Variants in CSMD3 observed in about 807,000 individuals in gnomAD.
CSMD3 encodes CUB and Sushi multiple domains 3.
Under a neutral mutation model 435.2 loss-of-function variants are expected in CSMD3, and 177 were observed. The ratio of observed to expected loss-of-function variants is 0.41; its 90% CI spans 0.36 to 0.46. The LOEUF (loss-of-function observed/expected upper bound fraction) is 0.46. Among genes scored for constraint, CSMD3 ranks in the 20% least tolerant of loss-of-function variants. CSMD3 has a pLI of 0.34. For synonymous variants in CSMD3, 1,656 were observed against 1,520.5 expected (o/e 1.09, Z -2.07); for missense variants, 4,265 against 4,504.6 (o/e 0.95, Z 1.52).
chr8:112,815,212 A>C (rs2079340013), intron 12 of CSMD3, among the ~76,000 whole-genome samples: 1 of 152,158 alleles, frequency 6.6e-6, no homozygotes, highest in Non-Finnish European at 1.5e-5. Flanking sequence ...AGCATTATGG[A>C]ATAATGGGAC....
At chr8:112,859,052 TA>T in intron 11 of CSMD3, 92 bp downstream of exon 11, 1 of 1,224,370 alleles carries the variant, frequency 8.2e-7, no homozygotes, top group South Asian at 1.3e-5. Flanking sequence ...ACTTGAGTTA[TA>T]AATTTTCCAT....
At chr8:113,193,619 A>C (rs1367284114) in intron 3 of CSMD3, among the ~76,000 whole-genome samples, 1 of 151,470 alleles carries the variant, frequency 6.6e-6, no homozygotes, top group Non-Finnish European at 1.5e-5. Context: ...TTAATGTTTG[A>C]GATGGGTTTC....
intron 12 of CSMD3, among the ~76,000 whole-genome samples, chr8:112,806,684 T>A (rs1295710205): frequency 6.6e-6 from 1 of 152,192 alleles, no homozygotes; most frequent in Non-Finnish European, 1.5e-5. Flanking sequence ...TGAATTTATC[T>A]GATATTCTTG....
intron 1 of CSMD3, among the ~76,000 whole-genome samples, chr8:113,423,402 C>T (rs1051874439): frequency 6.6e-6 from 1 of 151,968 alleles, no homozygotes; most frequent in Non-Finnish European, 1.5e-5. Context: ...GACTTGACAG[C>T]CTCTCCACTG....
chr8:112,768,784 G>A (rs965252609), intron 13 of CSMD3, among the ~76,000 whole-genome samples: 4 of 151,878 alleles, frequency 2.6e-5, no homozygotes, highest in African/African-American at 9.7e-5. Context: ...AGGGTTGTCT[G>A]TGTTTATTAT....
intron 5 of CSMD3, among the ~76,000 whole-genome samples, chr8:113,050,583 A>G (rs966692319): frequency 3.9e-5 from 6 of 152,100 alleles, no homozygotes; most frequent in African/African-American, 1.4e-4. Flanking sequence ...GAATAAGTTT[A>G]TATCAAGCTT....
intron 7 of CSMD3, among the ~76,000 whole-genome samples, chr8:112,971,252 C>T (rs894904591): frequency 1.3e-5 from 2 of 152,112 alleles, no homozygotes; most frequent in Admixed American, 6.5e-5. Flanking sequence ...CAATGTCATG[C>T]ACATCACAAG....
chr8:112,515,194 T>G (rs563212261), intron 28 of CSMD3, among the ~76,000 whole-genome samples: 1 of 152,254 alleles, frequency 6.6e-6, no homozygotes, highest in African/African-American at 2.4e-5. Flanking sequence ...CCATTTAATA[T>G]TTTAGGATTT....
At chr8:112,954,654 G>C (rs1217860748) in intron 8 of CSMD3, 30 bp downstream of exon 8, 1 of 1,429,382 alleles carries the variant, frequency 7.0e-7, no homozygotes, top group Non-Finnish European at 9.9e-7. Flanking sequence ...TCTTGCACTA[G>C]AGAAAGTAAC....
chr8:113,230,763 TA>T (rs1183596402), intron 3 of CSMD3, among the ~76,000 whole-genome samples: 1 of 151,598 alleles, frequency 6.6e-6, no homozygotes, highest in Admixed American at 6.6e-5. Context: ...GTTGGTTTTT[TA>T]TGTTTGAAAA....
chr8:112,484,092 C>T (rs887368010), intron 31 of CSMD3, among the ~76,000 whole-genome samples: 1 of 152,148 alleles, frequency 6.6e-6, no homozygotes, highest in African/African-American at 2.4e-5. Context: ...TATTCCACCT[C>T]AGACTTCTAA....
chr8:112,804,612 C>T (rs978717476), intron 12 of CSMD3, among the ~76,000 whole-genome samples: 5 of 151,874 alleles, frequency 3.3e-5, no homozygotes, highest in African/African-American at 7.3e-5. Flanking sequence ...ACTGATGATA[C>T]GTACATTTCA....
At chr8:113,185,860 C>A in intron 3 of CSMD3, among the ~76,000 whole-genome samples, 1 of 151,942 alleles carries the variant, frequency 6.6e-6, no homozygotes, top group Admixed American at 6.6e-5. Context: ...GTGTCTATTC[C>A]TACAAAGACC....
intron 1 of CSMD3, 30 bp from the exon 2 acceptor site, chr8:113,314,823 A>T: frequency 7.6e-7 from 1 of 1,316,384 alleles, no homozygotes; most frequent in Non-Finnish European, 1.1e-6. Context: ...ACAGACATTA[A>T]TATTATATAA....
intron 12 of CSMD3, among the ~76,000 whole-genome samples, chr8:112,824,746 T>G (rs951645524): frequency 2.6e-4 from 39 of 152,296 alleles, no homozygotes; most frequent in African/African-American, 8.7e-4. Context: ...ATTTTTTATT[T>G]TATTTCAGCC....
At chr8:112,500,646 G>A (rs1821844752) in intron 30 of CSMD3, among the ~76,000 whole-genome samples, 1 of 152,108 alleles carries the variant, frequency 6.6e-6, no homozygotes, top group Non-Finnish European at 1.5e-5. Context: ...AGATAGTAAG[G>A]TTTTCCTTTT....
chr8:112,266,020 G>T (rs910481787), intron 59 of CSMD3, among the ~76,000 whole-genome samples: 3 of 152,096 alleles, frequency 2.0e-5, no homozygotes, highest in Non-Finnish European at 4.4e-5. Context: ...ATTTTCTGCA[G>T]TGTCACTCAG....
intron 2 of CSMD3, among the ~76,000 whole-genome samples, chr8:113,283,276 C>T (rs781467377): frequency 6.6e-6 from 1 of 151,988 alleles, no homozygotes; most frequent in Non-Finnish European, 1.5e-5. Flanking sequence ...GCAAAAGGAA[C>T]ATTCACCAGA....
chr8:113,176,039 C>T (rs1308841790), intron 3 of CSMD3, among the ~76,000 whole-genome samples: 1 of 152,032 alleles, frequency 6.6e-6, no homozygotes, highest in Non-Finnish European at 1.5e-5. Flanking sequence ...GAAATCATGT[C>T]AGGTGAAGTA....
Sources: gnomAD v4.1 joint callset for allele counts (sites outside exome capture counted in the v4.1 genomes callset) on GRCh38, gnomAD v4.1.1 for gene constraint, MANE v1.5 for transcripts, NCBI Gene and HGNC (gene_info 2026-07-23, HGNC 2026-07-21) for gene names.